Variants in DNAH6 observed in about 807,000 individuals in gnomAD.
The protein encoded by DNAH6 is dynein axonemal heavy chain 6, also known as axonemal beta dynein heavy chain 6.
A neutral mutation model predicts 491.4 loss-of-function variants in DNAH6; 340 were observed. That is an observed-to-expected ratio of 0.69 (90% CI 0.63 to 0.76). The LOEUF is 0.76. Among genes scored for constraint, DNAH6 ranks in the 30% least tolerant of loss-of-function variants. DNAH6 has a pLI of 0.00. For synonymous variants in DNAH6, 1,603 were observed against 1,686.1 expected (o/e 0.95, Z 1.21); for missense variants, 4,443 against 4,972.2 (o/e 0.89, Z 3.20).
intron 11 of DNAH6, among the ~76,000 whole-genome samples, chr2:84,562,267 C>T (rs1680760275): frequency 6.6e-6 from 1 of 151,928 alleles, no homozygotes; most frequent in South Asian, 2.1e-4. Flanking sequence ...AAGAAAGAAG[C>T]ACACATATAA....
chr2:84,479,267 C>A, the DNAH6 span, among the ~76,000 whole-genome samples: 2 of 152,288 alleles, frequency 1.3e-5, no homozygotes, highest in South Asian at 4.2e-4. Flanking sequence ...CTTTGGGCTG[C>A]AGTATTAGAC....
rs1696129496 is a variant in DNAH6, at chr2:84,703,512, G to A, written c.8179G>A (p.Val2727Ile). 1.3e-6 allele frequency: 2 copies of A among 1,551,508 alleles called. No individual in the cohort carries two copies. The highest frequency in any genetic ancestry group is 1.7e-6 in the Non-Finnish European group (2 of 1,146,830). ...TGTACTTTTAGCAAAATCAGAAGAT[G>A]TTGAAGCCCTGATGGAAAAATTGGC... ...EPVLLAKSED[V>I]EALMEKLAVD... Residue 2727 changes from valine (V) to isoleucine (I), a missense_variant, in exon 50 of 77, where the codon GTT (valine) becomes ATT (isoleucine). Val to Ile is a conservative substitution (Grantham distance 29). This residue lies in a region of DNAH6 where 2,977 missense variants were observed against 3,296.6 expected (regional missense o/e 0.90). Coordinates refer to ENST00000389394, the MANE Select transcript of DNAH6 (RefSeq NM_001370.2).
At chr2:84,538,227 C>T (rs1190470657) in intron 4 of DNAH6, among the ~76,000 whole-genome samples, 2 of 152,094 alleles carry the variant, frequency 1.3e-5, no homozygotes, top group African/African-American at 4.8e-5. Context: ...AGGCATTGTG[C>T]CAAGTGCTTT....
At chr2:84,463,829 G>A in the DNAH6 span, among the ~76,000 whole-genome samples, 7 of 152,136 alleles carry the variant, frequency 4.6e-5, no homozygotes, top group Non-Finnish European at 7.4e-5. Flanking sequence ...TGTTTTTAAC[G>A]AAATAAATTC....
the DNAH6 span, among the ~76,000 whole-genome samples, chr2:84,476,261 G>A: frequency 2.0e-5 from 3 of 152,198 alleles, no homozygotes; most frequent in African/African-American, 7.2e-5. Flanking sequence ...TTTCCTCCCT[G>A]CTGGACTATA....
Position 84,654,695 on chromosome 2 carries a change from C to A in DNAH6, c.5670C>A (p.Val1890=). Residue 1890 remains valine (V), a synonymous_variant, in exon 35 of 77, where the codon GTC becomes GTA. Coordinates refer to ENST00000389394, the MANE Select transcript of DNAH6 (RefSeq NM_001370.2). Reference sequence around the variant, plus strand: ...TGCGGGTTGCCTCCCCTGCAACAGTCAGTCGATGTGGAATGGTGTTTGTGG... The same window carrying A: ...TGCGGGTTGCCTCCCCTGCAACAGTAAGTCGATGTGGAATGGTGTTTGTGG... ...QDLRVASPAT[V]SRCGMVFVDP... is the part of the protein sequence containing the mutation. 1 of 1,551,138 alleles carries A rather than the reference C, an allele frequency of 6.4e-7. No individual in the cohort carries two copies. The highest frequency in any genetic ancestry group is 1.2e-5 in the South Asian group (1 of 84,000).
At chr2:84,593,893 G>C (rs907169781) in intron 16 of DNAH6, 79 bp from the exon 17 acceptor site, 5 of 713,434 alleles carry the variant, frequency 7.0e-6, no homozygotes, top group African/African-American at 1.8e-5. Context: ...ACTGTACCAA[G>C]AATTACTAAT....
At chr2:84,659,323 T>A (rs964403563) in intron 37 of DNAH6, among the ~76,000 whole-genome samples, 154 bp downstream of exon 37, 2 of 152,156 alleles carry the variant, frequency 1.3e-5, no homozygotes. Flanking sequence ...ATAGACAACA[T>A]TTATCATATT....
chr2:84,639,170 T>G (rs1021897046), intron 31 of DNAH6, among the ~76,000 whole-genome samples: 3 of 152,118 alleles, frequency 2.0e-5, no homozygotes, highest in Admixed American at 2.0e-4. Flanking sequence ...GGGGGGCAGT[T>G]AGGACAGGTA....
At chr2:84,691,506 G>T (rs950624936) in intron 45 of DNAH6, among the ~76,000 whole-genome samples, 10 of 152,214 alleles carry the variant, frequency 6.6e-5, no homozygotes, top group Non-Finnish European at 1.3e-4. Context: ...CAATGACAAT[G>T]GTGCCTATGG....
intron 22 of DNAH6, among the ~76,000 whole-genome samples, chr2:84,612,860 A>C (rs781750574): frequency 7.2e-5 from 11 of 152,082 alleles, no homozygotes; most frequent in Non-Finnish European, 1.6e-4. Flanking sequence ...TTGGGGGATT[A>C]GGACATGAAC....
At chr2:84,535,167 G>A (rs766041484) in intron 4 of DNAH6, among the ~76,000 whole-genome samples, 5 of 151,552 alleles carry the variant, frequency 3.3e-5, no homozygotes, top group East Asian at 3.9e-4. Context: ...TGATATTAAG[G>A]TCTACAATTC....
chr2:84,701,669 C>T (rs138548096), intron 49 of DNAH6, among the ~76,000 whole-genome samples: 1 of 152,162 alleles, frequency 6.6e-6, no homozygotes, highest in East Asian at 1.9e-4. Flanking sequence ...GGGGGTGGTG[C>T]CACACACTTT....
chr2:84,556,291 T>G (rs986339099), intron 10 of DNAH6, among the ~76,000 whole-genome samples: 1 of 152,224 alleles, frequency 6.6e-6, no homozygotes, highest in African/African-American at 2.4e-5. Context: ...GTTTGGGTAT[T>G]GCTGGCCTAT....
At chr2:84,701,410 C>A in intron 49 of DNAH6, 71 bp downstream of exon 49, 1 of 1,474,108 alleles carries the variant, frequency 6.8e-7, no homozygotes, top group Non-Finnish European at 9.1e-7. Context: ...CATGGAAACT[C>A]TATGCACTGT....
chr2:84,801,411 C>T (rs530651879), intron 70 of DNAH6, among the ~76,000 whole-genome samples: 2 of 152,048 alleles, frequency 1.3e-5, no homozygotes, highest in East Asian at 3.9e-4. Flanking sequence ...ATGAGCTGAC[C>T]ATCCCTAAGA....
At chr2:84,734,585 C>T (rs973678638) in intron 62 of DNAH6, among the ~76,000 whole-genome samples, 1 of 152,036 alleles carries the variant, frequency 6.6e-6, no homozygotes, top group African/African-American at 2.4e-5. Context: ...ATAAAATATT[C>T]CATGCATGTC....
the DNAH6 span, among the ~76,000 whole-genome samples, chr2:84,506,893 T>G: frequency 6.6e-6 from 1 of 152,112 alleles, no homozygotes; most frequent in South Asian, 2.1e-4. Flanking sequence ...GTGGCATTAT[T>G]TCTGAGGGCT....
rs1421408991 is a variant in DNAH6 at position 84,669,254 on chromosome 2, C to A, written c.6085-35C>A. ...CTACTGTGTGTCAATATTGCTTATT[C>A]CCTATTGAAAGTGGTGTTTAATTTT... On this transcript the variant is annotated intron_variant, in intron 37 of 76. Transcript: ENST00000389394. 12 of 1,465,930 alleles carry A rather than the reference C, an allele frequency of 8.2e-6. No individual in the cohort carries two copies. The Admixed American group carries it at 2.2e-4, about 26-fold the overall frequency. 90.8% of individuals were successfully genotyped at this position (1,465,930 alleles called of 1,614,324 possible).
Sources: gnomAD v4.1 joint callset for allele counts (sites outside exome capture counted in the v4.1 genomes callset) on GRCh38, gnomAD v4.1.1 for gene constraint, gnomAD v4.1.1 regional missense constraint, MANE v1.5 for transcripts, NCBI Gene and HGNC (gene_info 2026-07-23, HGNC 2026-07-21) for gene names.